Variants in ABCB4 observed in about 807,000 individuals in gnomAD.
ABCB4 encodes the protein ATP binding cassette subfamily B member 4.
A neutral mutation model predicts 145.7 loss-of-function variants in ABCB4; 76 were observed. That is an observed-to-expected ratio of 0.52 (90% CI 0.43 to 0.63). The LOEUF is 0.63. Ranked by LOEUF, ABCB4 falls within the 30% of genes least tolerant of loss-of-function variation. ABCB4 has a pLI of 0.00. For missense variants in ABCB4, 1,234 were observed against 1,553.1 expected (o/e 0.79, Z 3.45); for synonymous variants, 517 against 566.8 (o/e 0.91, Z 1.25).
chr7:87,475,505 A>G (rs1221108880), intron 1 of ABCB4, 34 bp from the exon 2 acceptor site: 6 of 1,608,934 alleles, frequency 3.7e-6, no homozygotes, highest in Non-Finnish European at 5.1e-6. Context: ...AACCAAGTAC[A>G]CCCTCTCCGG....
At chr7:87,391,772 G>A in the ABCB4 span, 4 of 1,527,186 alleles carry the variant, frequency 2.6e-6, no homozygotes, top group African/African-American at 5.7e-5. Context: ...AAGGAACCGT[G>A]GTCTTTGAGT....
chr7:87,410,184 T>A (rs954903210), intron 23 of ABCB4, among the ~76,000 whole-genome samples: 27 of 152,118 alleles, frequency 1.8e-4, no homozygotes, highest in African/African-American at 6.5e-4. Context: ...TGACAACTTT[T>A]AGGAAGGGCT....
chr7:87,407,635 A>T (rs1476613351), intron 25 of ABCB4, among the ~76,000 whole-genome samples: 1 of 152,218 alleles, frequency 6.6e-6, no homozygotes, highest in East Asian at 1.9e-4. Context: ...CGAGAATTCA[A>T]GGTAAGAGAA....
Position 87,422,160 on chromosome 7 carries a change from T to C in ABCB4, c.2277A>G (p.Leu759=), listed in dbSNP as rs1465460133. Residue 759 remains leucine, a synonymous_variant, in exon 18 of 28, where the codon TTA becomes TTG. Transcript: ENST00000649586. ...QKCNIFSLIF[L]FLGIISFFTF... ...TAAAAAAAGAAATAATTCCCAGAAATAAGAAAATCAAAGAGAATATGTTGC... is the reference window on the plus strand; with the variant it reads ...TAAAAAAAGAAATAATTCCCAGAAACAAGAAAATCAAAGAGAATATGTTGC... 1 of 1,613,182 alleles carries C rather than the reference T, an allele frequency of 6.2e-7. No individual in the cohort carries two copies. The highest frequency in any genetic ancestry group is 8.5e-7 in the Non-Finnish European group (1 of 1,179,536).
At chr7:87,410,147 A>G (rs1393173559) in intron 23 of ABCB4, among the ~76,000 whole-genome samples, 2 of 152,200 alleles carry the variant, frequency 1.3e-5, no homozygotes, top group Admixed American at 1.3e-4. Context: ...TTCTAATTAT[A>G]TGCTCTTTAA....
chr7:87,413,524 T>C (rs1447095035), intron 22 of ABCB4, 93 bp downstream of exon 22: 2 of 862,866 alleles, frequency 2.3e-6, no homozygotes, highest in Non-Finnish European at 3.9e-6. Flanking sequence ...CATATCATTG[T>C]TTGGAGCAGC....
chr7:87,406,189 A>G, intron 26 of ABCB4, 99 bp downstream of exon 26: 1 of 1,279,122 alleles, frequency 7.8e-7, no homozygotes. Flanking sequence ...ATGTTAGTAA[A>G]TCAACATATT....
intron 10 of ABCB4, among the ~76,000 whole-genome samples, 168 bp downstream of exon 10, chr7:87,444,694 A>AT (rs1214060377): frequency 4.4e-4 from 67 of 152,288 alleles, no homozygotes; most frequent in African/African-American, 1.5e-3. Flanking sequence ...AATAAGAGGT[A>AT]TTTTCTTTCA....
chr7:87,454,060 T>G (rs1811946441), intron 5 of ABCB4, among the ~76,000 whole-genome samples: 1 of 152,230 alleles, frequency 6.6e-6, no homozygotes, highest in African/African-American at 2.4e-5. Context: ...TTCAAATTTT[T>G]ATTATCTAAT....
intron 14 of ABCB4, among the ~76,000 whole-genome samples, chr7:87,437,961 T>C (rs1253589866): frequency 6.6e-6 from 1 of 152,246 alleles, no homozygotes; most frequent in African/African-American, 2.4e-5. Flanking sequence ...ATGAATTGAC[T>C]TGTCCAAATA....
chr7:87,379,160 T>C, the ABCB4 span, among the ~76,000 whole-genome samples: 2 of 152,206 alleles, frequency 1.3e-5, no homozygotes, highest in Non-Finnish European at 2.9e-5. Context: ...TTCATTTCCC[T>C]TTGACCTGTC....
Position 87,462,891 on chromosome 7 carries a change from C to T in ABCB4, c.153G>A (p.Trp51Ter). 2 of 1,613,646 alleles carry T rather than the reference C, an allele frequency of 1.2e-6. No individual in the cohort carries two copies. Among genetic ancestry groups the T allele is most frequent in the Non-Finnish European group, 1.7e-6 (2 of 1,179,780 alleles). Residue 51 changes from tryptophan (W) to a stop codon, truncating the protein, a stop_gained, in exon 4 of 28, where the codon TGG becomes TGA. Transcript: ENST00000649586. LOFTEE classifies it high-confidence loss of function. ...GVLTLFRYSD[W>*]QDKLFMSLGT... The stretch of plus-strand genomic sequence containing the variant: ...CCAGCGACATAAACAATTTATCCTG[C>T]CAATCGGAGTATCGAAACTAAAAAA...
intron 8 of ABCB4, among the ~76,000 whole-genome samples, chr7:87,449,738 G>C (rs1415015642): frequency 6.6e-6 from 1 of 152,078 alleles, no homozygotes; most frequent in East Asian, 1.9e-4. Context: ...TAAAAACAAG[G>C]GAGTCCATTT....
chr7:87,450,090 T>A lies in ABCB4; in HGVS notation c.711A>T (p.Ile237=), dbSNP rs2109505. The part of the protein sequence containing the change: ...LGLSAAVWAK[I]LSAFSDKELA... ...GTTCTTTGTCACTAAATGCCGAGAG[T>A]ATCTGGACAGAAAAGAAACAGTGAT... The change falls in exon 8 of 28, where the codon ATA becomes ATT. Residue 237 remains isoleucine (I), a splice_region_variant and synonymous_variant. Coordinates refer to ENST00000649586, the MANE Select transcript of ABCB4 (RefSeq NM_000443.4). The A allele has an allele frequency of 0.19, 312,076 of 1,613,670 alleles. 31,385 individuals are homozygous for A. The highest frequency in any genetic ancestry group is 0.32 in the African/African-American group (23,614 of 74,912).
At chr7:87,436,426 A>C (rs1266288748) in intron 14 of ABCB4, among the ~76,000 whole-genome samples, 1 of 152,218 alleles carries the variant, frequency 6.6e-6, no homozygotes, top group African/African-American at 2.4e-5. Flanking sequence ...ATATATAGGC[A>C]TAACTTCTGG....
chr7:87,450,017 C>G lies in ABCB4; in HGVS notation c.784G>C (p.Ala262Pro). 1 of 1,614,142 alleles carries G rather than the reference C, an allele frequency of 6.2e-7. No individual in the cohort carries two copies. Among genetic ancestry groups the G allele is most frequent in the South Asian group, 1.1e-5 (1 of 91,086 alleles). The change falls in exon 8 of 28, where the codon GCC becomes CCC. Residue 262 changes from alanine (A) to proline (P), a missense_variant. By Grantham distance (27) the Ala-to-Pro change is conservative. This residue lies in a region of ABCB4 where 467 missense variants were observed against 632.8 expected (regional missense o/e 0.74). Coordinates refer to ENST00000649586, the MANE Select transcript of ABCB4 (RefSeq NM_000443.4). ...CCGAAAGCTATCACAGTCCTGATGG[C>G]CCCCAGAGCCTCTTCTGCCACGGCG... ...AGAVAEEALG[A>P]IRTVIAFGGQ...
intron 9 of ABCB4, among the ~76,000 whole-genome samples, chr7:87,445,852 C>T (rs969784728): frequency 6.6e-6 from 1 of 152,182 alleles, no homozygotes; most frequent in Non-Finnish European, 1.5e-5. Flanking sequence ...GCCCTCTATG[C>T]AGAGGGCTTT....
At chr7:87,421,222 G>A (rs1323937986) in intron 18 of ABCB4, among the ~76,000 whole-genome samples, 5 of 152,166 alleles carry the variant, frequency 3.3e-5, no homozygotes, top group Non-Finnish European at 7.3e-5. Flanking sequence ...GGGCACACGG[G>A]GGAGTGCACA....
At chr7:87,430,311 G>C (rs1810124720) in intron 15 of ABCB4, among the ~76,000 whole-genome samples, 1 of 152,012 alleles carries the variant, frequency 6.6e-6, no homozygotes, top group Non-Finnish European at 1.5e-5. Context: ...TAAGAAAAAA[G>C]AACAAAAATA....
Sources: gnomAD v4.1 joint callset for allele counts (sites outside exome capture counted in the v4.1 genomes callset) on GRCh38, gnomAD v4.1.1 for gene constraint, gnomAD v4.1.1 regional missense constraint, MANE v1.5 for transcripts, NCBI Gene and HGNC (gene_info 2026-07-23, HGNC 2026-07-21) for gene names.